DSCAM: variants seen among roughly 807,000 people sequenced by gnomAD.
The protein encoded by DSCAM is DS cell adhesion molecule, also known as cell adhesion molecule DSCAM.
Under a neutral mutation model 217.7 loss-of-function variants are expected in DSCAM, and 47 were observed. The observed-to-expected ratio is 0.22, with a 90% CI of 0.17 to 0.28. The LOEUF (loss-of-function observed/expected upper bound fraction) is 0.28. Among genes scored for constraint, DSCAM ranks in the 10% least tolerant of loss-of-function variants. The pLI is 1.00. For synonymous variants in DSCAM, 1,056 were observed against 1,015.3 expected, an observed-to-expected ratio of 1.04 and a Z score of -0.76; for missense variants, 2,080 against 2,618.3, an observed-to-expected ratio of 0.79 and a Z score of 4.49.
chr21:40,234,915 G>C (rs1050062750), intron 11 of DSCAM, among the ~76,000 whole-genome samples: 2 of 152,108 alleles, frequency 1.3e-5, no homozygotes, highest in African/African-American at 2.4e-5. Flanking sequence ...ATCTTCGTAA[G>C]CATATCAGGG....
intron 11 of DSCAM, among the ~76,000 whole-genome samples, chr21:40,266,777 C>CAT (rs10684678): frequency 0.44 from 47,418 of 108,870 alleles, 10,743 homozygotes; most frequent in East Asian, 0.51. Context: ...TTTTCACATG[C>CAT]ATATATATAT....
Position 40,411,175 on chromosome 21 carries a change from T to TACAC in DSCAM, c.509-41934_509-41931dup, listed in dbSNP as rs902494368. On this transcript the variant is annotated intron_variant, in intron 3 of 32. Coordinates refer to ENST00000400454, the MANE Select transcript of DSCAM (RefSeq NM_001389.5). ...TACTTGAAGATAGACAGTAATTATA[T>TACAC]ACACACACACACACACACACACACA... Among the ~76,000 whole-genome samples, 328 of 45,098 alleles carry TACAC rather than the reference T, an allele frequency of 7.3e-3. 1 individual carries two copies. The highest frequency in any genetic ancestry group is 0.015 in the Admixed American group (69 of 4,490). 29.6% of individuals were successfully genotyped at this position (45,098 alleles called of 152,430 possible). A position where few individuals can be genotyped will look rare whatever the true frequency, so the allele number is the denominator to read the frequency against.
intron 3 of DSCAM, among the ~76,000 whole-genome samples, chr21:40,397,707 C>T (rs1194982061): frequency 6.6e-6 from 1 of 152,026 alleles, no homozygotes; most frequent in Non-Finnish European, 1.5e-5. Context: ...ACCACTGCTG[C>T]TACCACTATT....
intron 9 of DSCAM, among the ~76,000 whole-genome samples, chr21:40,306,706 GT>G (rs1369242378): frequency 2.0e-5 from 3 of 152,050 alleles, no homozygotes; most frequent in African/African-American, 7.3e-5. Flanking sequence ...ATAATCATGT[GT>G]TTTTTGTCTT....
At chr21:40,338,486 C>T in intron 7 of DSCAM, 110 bp from the exon 8 acceptor site, 1 of 1,157,638 alleles carries the variant, frequency 8.6e-7, no homozygotes, top group South Asian at 1.9e-5. Context: ...CATGTAAGCA[C>T]ATCTTTTTCA....
chr21:40,237,693 ATAGTAGAATAACT>A (rs2073098065), intron 11 of DSCAM, among the ~76,000 whole-genome samples: 1 of 152,186 alleles, frequency 6.6e-6, no homozygotes. Flanking sequence ...ATGTGTCTTT[ATAGTAGAATAACT>A]TATAATCCTT....
intron 32 of DSCAM, among the ~76,000 whole-genome samples, chr21:40,025,499 C>T (rs2088361409): frequency 6.7e-6 from 1 of 148,238 alleles, no homozygotes; most frequent in Non-Finnish European, 1.5e-5. Context: ...TCCATCTGGT[C>T]CTGGACTCTT....
rs138152848 is a variant in DSCAM at position 40,221,908 on chromosome 21, C to T, written c.2357-32670G>A. 2.1e-3 allele frequency among the ~76,000 whole-genome samples: 314 copies of T among 152,252 alleles called. 1 individual carries two copies. Among genetic ancestry groups the T allele is most frequent in the African/African-American group, 7.5e-3 (310 of 41,538 alleles). On this transcript the variant is annotated intron_variant, in intron 11 of 32. Coordinates refer to ENST00000400454, the MANE Select transcript of DSCAM (RefSeq NM_001389.5). ...CAGAATGGCAGAAACATACAAAGCA[C>T]CTGTGTGTTGGGTGCTCAAGAAAAG...
At chr21:40,834,658 C>T (rs2837853) in intron 1 of DSCAM, among the ~76,000 whole-genome samples, 49,143 of 151,748 alleles carry the variant, frequency 0.32, 8,414 homozygotes, top group Admixed American at 0.44. Context: ...CAGAGAACTC[C>T]AACCCTTGCT....
intron 11 of DSCAM, among the ~76,000 whole-genome samples, chr21:40,255,540 TTAAAA>T (rs1404830764): frequency 1.3e-5 from 2 of 152,186 alleles, no homozygotes; most frequent in Non-Finnish European, 1.5e-5. Flanking sequence ...TTAACTGATC[TTAAAA>T]TAGGGAGAAG....
At chr21:40,087,055 G>A (rs2089542054) in intron 22 of DSCAM, 115 bp downstream of exon 22, 2 of 768,978 alleles carry the variant, frequency 2.6e-6, no homozygotes, top group Non-Finnish European at 2.2e-6. Flanking sequence ...AGGTTTCCTT[G>A]AGTTTTCACT....
At chr21:40,782,186 C>CA (rs35226396) in intron 1 of DSCAM, among the ~76,000 whole-genome samples, 2,906 of 142,126 alleles carry the variant, frequency 0.02, 74 homozygotes, top group African/African-American at 0.066. Context: ...CAAAAAACAA[C>CA]AAAAAAAAAA....
intron 9 of DSCAM, among the ~76,000 whole-genome samples, chr21:40,297,501 C>A (rs1203921759): frequency 6.6e-6 from 1 of 152,084 alleles, no homozygotes; most frequent in African/African-American, 2.4e-5. Flanking sequence ...TTGCAAGATA[C>A]AGAATTCTTA....
At chr21:40,713,933 G>A (rs2090811604) in intron 1 of DSCAM, among the ~76,000 whole-genome samples, 1 of 152,216 alleles carries the variant, frequency 6.6e-6, no homozygotes, top group Non-Finnish European at 1.5e-5. Flanking sequence ...CCGCTGCATT[G>A]TGACAAAGTA....
intron 11 of DSCAM, among the ~76,000 whole-genome samples, chr21:40,269,488 A>G (rs1182512802): frequency 6.6e-6 from 1 of 152,176 alleles, no homozygotes; most frequent in Admixed American, 6.5e-5. Flanking sequence ...TCCCTCCAAC[A>G]CAAGACCGCA....
intron 3 of DSCAM, among the ~76,000 whole-genome samples, chr21:40,646,991 T>C (rs1331777310): frequency 3.3e-5 from 5 of 152,182 alleles, no homozygotes; most frequent in African/African-American, 7.2e-5. Context: ...TATAACATCA[T>C]AAAGACACAA....
At position 40,100,528 on chromosome 21, in the gene DSCAM, G is replaced by A. The variant is rs551671659; in HGVS notation, c.3697-6654C>T. Among the ~76,000 whole-genome samples the A allele has an allele frequency of 4.6e-5, 7 of 152,010 alleles. No homozygotes were observed. In the East Asian group the frequency reaches 5.8e-4, roughly 13 times the overall value. ...AATTTCTACATGCATATTTTATTAC[G>A]TAGCACTCTCTTCCAAATATAGAGA... On this transcript the variant is annotated intron_variant, in intron 20 of 32. Transcript: ENST00000400454.
Position 40,216,737 on chromosome 21 carries a change from A to T in DSCAM, c.2357-27499T>A, listed in dbSNP as rs555558385. Among the ~76,000 whole-genome samples, 30 of 152,348 alleles carry T rather than the reference A, an allele frequency of 2.0e-4. No individual in the cohort carries two copies. The South Asian group carries it at 6.0e-3, about 31-fold the overall frequency. On this transcript the variant is annotated intron_variant, in intron 11 of 32. Coordinates refer to ENST00000400454, the MANE Select transcript of DSCAM (RefSeq NM_001389.5). ...CACAGCAGCACAGGTAACACCCAGC[A>T]GTAAGGCCAGGAGGCCCCTCCCGCA...
At chr21:40,571,836 C>T (rs1030813132) in intron 3 of DSCAM, among the ~76,000 whole-genome samples, 1 of 152,126 alleles carries the variant, frequency 6.6e-6, no homozygotes, top group Admixed American at 6.5e-5. Flanking sequence ...GTGATCTGCC[C>T]ACCTCAGCCT....
Sources: gnomAD v4.1 joint callset for allele counts (sites outside exome capture counted in the v4.1 genomes callset) on GRCh38, gnomAD v4.1.1 for gene constraint, MANE v1.5 for transcripts, NCBI Gene and HGNC (gene_info 2026-07-23, HGNC 2026-07-21) for gene names.